MUL1: variants seen among roughly 807,000 people sequenced by gnomAD.
The protein encoded by MUL1 is mitochondrial E3 ubiquitin protein ligase 1, also known as mitochondrial ubiquitin ligase activator of NFKB 1.
In MUL1, 30 loss-of-function variants were observed where a neutral mutation model predicts 34.1. The observed-to-expected ratio is 0.88, with a 90% CI of 0.66 to 1.19. MUL1 has a LOEUF of 1.19. Ranked by LOEUF, MUL1 falls within the 50% of genes most tolerant of loss-of-function variation. MUL1 has a pLI of 0.00. For missense variants in MUL1, 419 were observed against 450.5 expected, an observed-to-expected ratio of 0.93 and a Z score of 0.63; for synonymous variants, 191 against 187.8, an observed-to-expected ratio of 1.02 and a Z score of -0.14.
chr1:20,503,022 T>C lies in MUL1; in HGVS notation c.208+200A>G, dbSNP rs2051678803. On this transcript the variant is annotated intron_variant, in intron 2 of 3. Transcript: ENST00000264198. ...AACCCCATAAAGGTAAGTATTATTT[T>C]CGAGATCAGGCAACAGTGGTTCAGG... Among the ~76,000 whole-genome samples, 4 of 152,140 alleles carry C rather than the reference T, an allele frequency of 2.6e-5. No individual in the cohort carries two copies. In the South Asian group the frequency reaches 8.3e-4, roughly 31 times the overall value.
At position 20,501,467 on chromosome 1, in the gene MUL1, C is replaced by T. The variant is rs769674610; in HGVS notation, c.330-48G>A. ...GATACAGGGTAGCAAACAGCAAACA[C>T]CCAGGCAGAACTGGAGATCAACTAA... On this transcript the variant is annotated intron_variant, in intron 3 of 3. Transcript: ENST00000264198. This position sits in a 1 kb window ranked among gnomAD's most constrained non-coding sequence, Gnocchi z 4.2. The T allele has an allele frequency of 6.4e-7, 1 of 1,566,976 alleles. No homozygotes were observed. Among genetic ancestry groups the T allele is most frequent in the African/African-American group, 1.4e-5 (1 of 74,054 alleles).
At chr1:20,506,597 C>G (rs1430881494) in intron 1 of MUL1, among the ~76,000 whole-genome samples, 1 of 150,608 alleles carries the variant, frequency 6.6e-6, no homozygotes, top group Non-Finnish European at 1.5e-5. Flanking sequence ...CGCCTGTAAT[C>G]CCAGCACTTT....
chr1:20,505,826 A>G (rs1450056952), intron 1 of MUL1, among the ~76,000 whole-genome samples: 1 of 152,168 alleles, frequency 6.6e-6, no homozygotes, highest in Non-Finnish European at 1.5e-5. Flanking sequence ...GATGAGACCT[A>G]AAGAGTTCAC....
At chr1:20,502,694 C>T (rs1008354862) in intron 2 of MUL1, among the ~76,000 whole-genome samples, 11 of 152,208 alleles carry the variant, frequency 7.2e-5, no homozygotes, top group African/African-American at 2.6e-4. Context: ...CCACCACATC[C>T]AGCTAATTTT....
chr1:20,508,042 G>A lies in MUL1; in HGVS notation c.-18C>T, dbSNP rs2051735422. 3 of 1,574,106 alleles carry A rather than the reference G, an allele frequency of 1.9e-6. No individual in the cohort carries two copies. On this transcript the variant is annotated 5_prime_UTR_variant, in exon 1 of 4. Transcript: ENST00000264198. ...CTCTCCATGACGGCGGCGAGCCCCGGTGGCCGACTGTGGCGCCAAGGATAG... is the reference window on the plus strand; with the variant it reads ...CTCTCCATGACGGCGGCGAGCCCCGATGGCCGACTGTGGCGCCAAGGATAG...
At chr1:20,503,089 T>C in intron 2 of MUL1, 133 bp downstream of exon 2, 1 of 565,040 alleles carries the variant, frequency 1.8e-6, no homozygotes, top group Middle Eastern at 3.1e-4. Context: ...ATAACCCATG[T>C]CTTTCTGACC....
intron 1 of MUL1, among the ~76,000 whole-genome samples, chr1:20,503,640 C>G (rs1286549928): frequency 6.6e-6 from 1 of 152,198 alleles, no homozygotes; most frequent in Admixed American, 6.5e-5. Flanking sequence ...GACTGAACAT[C>G]ATTCAATCTC....
chr1:20,500,650 C>G lies in MUL1; in HGVS notation c.*40G>C, dbSNP rs753946246. 1.3e-6 allele frequency: 2 copies of G among 1,523,296 alleles called. No individual in the cohort carries two copies. Among genetic ancestry groups the G allele is most frequent in the African/African-American group, 2.8e-5 (2 of 72,084 alleles). 94.4% of individuals were successfully genotyped at this position (1,523,296 alleles called of 1,614,324 possible). A position where few individuals can be genotyped will look rare whatever the true frequency, so the allele number is the denominator to read the frequency against. On this transcript the variant is annotated 3_prime_UTR_variant, in exon 4 of 4. Transcript: ENST00000264198. ...GAGATAAAAATCCCTGAAAAGGGGG[C>G]AGGGGTGCTTCCAGGTCAAGCTGTG...
chr1:20,501,969 T>G lies in MUL1; in HGVS notation c.329+100A>C. On this transcript the variant is annotated intron_variant, in intron 3 of 3. Transcript: ENST00000264198. The surrounding 1 kb of genome is among the most constrained non-coding windows in gnomAD (Gnocchi z 4.2). The stretch of plus-strand genomic sequence containing the variant: ...TGCATTAAGAGACTGGGCTTCAACC[T>G]GTCTCAGGAGAAGCTGAAGTCACGG... 6.8e-7 allele frequency: 1 copy of G among 1,470,486 alleles called. No homozygotes were observed. The highest frequency in any genetic ancestry group is 9.4e-7 in the Non-Finnish European group (1 of 1,061,910). 91.1% of individuals were successfully genotyped at this position (1,470,486 alleles called of 1,614,324 possible). A position where few individuals can be genotyped will look rare whatever the true frequency, so the allele number is the denominator to read the frequency against.
In MUL1 at chr1:20,508,112, AC is replaced by A. The variant is rs111775769; in HGVS notation, c.-89del. 711 of 1,501,554 alleles carry A rather than the reference AC, an allele frequency of 4.7e-4. 6 individuals carry two copies. In the African/African-American group the frequency reaches 8.4e-3, roughly 18 times the overall value. The allele number at this position is 1,501,554 out of a possible 1,614,324, so 93.0% of individuals were successfully genotyped here. A position where few individuals can be genotyped will look rare whatever the true frequency, so the allele number is the denominator to read the frequency against. On this transcript the variant is annotated 5_prime_UTR_variant, in exon 1 of 4. Transcript: ENST00000264198. ...TCCACCTCCTTCCGACCAGGACCGC[AC>A]CCCCCCGGCCTAACCTGACCGGAAA... is the stretch of plus-strand genomic sequence containing the variant.
At chr1:20,503,421 T>C in intron 1 of MUL1, 112 bp from the exon 2 acceptor site, 1 of 622,776 alleles carries the variant, frequency 1.6e-6, no homozygotes, top group Non-Finnish European at 2.7e-6. Flanking sequence ...CAAGAGAATA[T>C]GGAAATTGGA....
Position 20,508,081 on chromosome 1 carries a change from C to T in MUL1, c.-57G>A. 1.9e-6 allele frequency: 3 copies of T among 1,550,786 alleles called. No individual in the cohort carries two copies. The highest frequency in any genetic ancestry group is 2.6e-6 in the Non-Finnish European group (3 of 1,148,338). ...CGCCAAGGATAGGCCTGGTGACCCC[C>T]GACTCTCCACCTCCTTCCGACCAGG... On this transcript the variant is annotated 5_prime_UTR_variant, in exon 1 of 4. Transcript: ENST00000264198.
chr1:20,503,894 T>G (rs2051688879), intron 1 of MUL1, among the ~76,000 whole-genome samples: 1 of 151,302 alleles, frequency 6.6e-6, no homozygotes, highest in African/African-American at 2.4e-5. Flanking sequence ...TTTTTTGAGA[T>G]GGGGTCTCAC....
rs368225783 is a variant in MUL1 at position 20,507,889 on chromosome 1, C to T, written c.120+16G>A. The T allele has an allele frequency of 6.3e-7, 1 of 1,595,422 alleles. No homozygotes were observed. ...AGAGATGACCCGGCTGAGGCCAGGC[C>T]GGCTCCAGCACTGACCTTGAGCTCT... On this transcript the variant is annotated intron_variant, in intron 1 of 3. Coordinates refer to ENST00000264198, the MANE Select transcript of MUL1 (RefSeq NM_024544.3).
At chr1:20,507,768 G>A in intron 1 of MUL1, 137 bp downstream of exon 1, 1 of 1,280,708 alleles carries the variant, frequency 7.8e-7, no homozygotes, top group South Asian at 1.6e-5. Context: ...TCCATCTACT[G>A]GCTGGATGAC....
At chr1:20,505,263 C>A (rs1158859099) in intron 1 of MUL1, among the ~76,000 whole-genome samples, 1 of 152,110 alleles carries the variant, frequency 6.6e-6, no homozygotes, top group Non-Finnish European at 1.5e-5. Context: ...ACAAGCCCCT[C>A]TCTGGAAGTT....
chr1:20,503,084 C>T lies in MUL1; in HGVS notation c.208+138G>A, dbSNP rs534948835. The T allele has an allele frequency of 1.3e-3, 732 of 545,624 alleles. 6 individuals carry two copies. Among genetic ancestry groups the T allele is most frequent in the Non-Finnish European group, 1.3e-4 (40 of 308,652 alleles). The allele number at this position is 545,624 out of a possible 1,614,324, so 33.8% of individuals were successfully genotyped here. ...ATCTTAGCGATCACAAAGCAATAAC[C>T]CATGTCTTTCTGACCCCAAAGTATG... is the stretch of plus-strand genomic sequence containing the variant. On this transcript the variant is annotated intron_variant, in intron 2 of 3. Transcript: ENST00000264198.
chr1:20,505,818 T>C (rs909095811), intron 1 of MUL1, among the ~76,000 whole-genome samples: 14 of 152,274 alleles, frequency 9.2e-5, no homozygotes, highest in Admixed American at 8.5e-4. Flanking sequence ...CACCCAAAGA[T>C]GAGACCTAAA....
rs1336546772 is a variant in MUL1 at position 20,508,145 on chromosome 1, A to G, written c.-121T>C. The G allele has an allele frequency of 6.4e-6, 9 of 1,396,520 alleles. No individual in the cohort carries two copies. Among genetic ancestry groups the G allele is most frequent in the African/African-American group, 4.3e-5 (3 of 69,648 alleles). The allele number at this position is 1,396,520 out of a possible 1,614,324, so 86.5% of individuals were successfully genotyped here. ...GGCCTAACCTGACCGGAAACTCGAA[A>G]TCAGTCGCCCAGCGATGACGCACGA... is the stretch of plus-strand genomic sequence containing the variant. On this transcript the variant is annotated 5_prime_UTR_variant, in exon 1 of 4. Transcript: ENST00000264198.
Sources: allele counts gnomAD v4.1 joint callset (sites outside exome capture counted in the v4.1 genomes callset), GRCh38; gene constraint gnomAD v4.1.1; non-coding constraint Gnocchi (gnomAD v3.1); transcripts MANE v1.5; gene names NCBI Gene and HGNC (gene_info 2026-07-23, HGNC 2026-07-21).